Variants in PTPA observed in about 807,000 individuals in gnomAD.
PTPA encodes the protein protein phosphatase 2 phosphatase activator.
A neutral mutation model predicts 43.6 loss-of-function variants in PTPA; 13 were observed. The ratio of observed to expected loss-of-function variants is 0.30; its 90% CI spans 0.19 to 0.47. PTPA has a LOEUF of 0.47. PTPA is among the 20% of genes least tolerant of loss of function. The pLI is 0.99. For missense variants in PTPA, 329 were observed against 411.9 expected (o/e 0.80, Z 1.74); for synonymous variants, 172 against 158.2 (o/e 1.09, Z -0.66).
chr9:129,127,102 C>A (rs1183916573), intron 3 of PTPA, among the ~76,000 whole-genome samples: 1 of 152,198 alleles, frequency 6.6e-6, no homozygotes, highest in Non-Finnish European at 1.5e-5. Context: ...TCTCACATTT[C>A]AGCAAGGCAG....
intron 3 of PTPA, chr9:129,128,162 T>C: frequency 1.3e-6 from 1 of 796,524 alleles, no homozygotes; most frequent in Non-Finnish European, 1.9e-6. Flanking sequence ...AATGGTGTTT[T>C]AGCTGGGGTT....
At position 129,142,623 on chromosome 9, in the gene PTPA, G is replaced by T. The variant is rs1441903141; in HGVS notation, c.894+71G>T. ...GTCCTGGGCTGGGGACAAAGCAAAA[G>T]ATGTGGAACCTGGGGCTCCTGCTTC... On this transcript the variant is annotated intron_variant, in intron 9 of 9. Transcript: ENST00000393370. 1.9e-6 allele frequency: 3 copies of T among 1,593,436 alleles called. No homozygotes were observed. In the Admixed American group the frequency reaches 5.4e-5, roughly 28 times the overall value.
chr9:129,143,416 G>A, intron 9 of PTPA: 1 of 703,016 alleles, frequency 1.4e-6, no homozygotes, highest in East Asian at 2.7e-5. Context: ...ACACTGTACT[G>A]TGGGCACCAT....
rs535229325 is a variant in PTPA at position 129,144,595 on chromosome 9, C to T, written c.894+2043C>T. 2.1e-4 allele frequency among the ~76,000 whole-genome samples: 32 copies of T among 151,298 alleles called. No individual in the cohort carries two copies. In the South Asian group the frequency reaches 3.4e-3, roughly 16 times the overall value. On this transcript the variant is annotated intron_variant, in intron 9 of 9. Coordinates refer to ENST00000393370, the MANE Select transcript of PTPA (RefSeq NM_178000.3). ...CTACTAAAAATATAAAAAAATTAGC[C>T]GGGCGTGGTGGCGGGTGCCTGTAGT... is the stretch of plus-strand genomic sequence containing the variant.
chr9:129,126,178 T>A (rs1849566444), intron 3 of PTPA, among the ~76,000 whole-genome samples: 1 of 151,938 alleles, frequency 6.6e-6, no homozygotes, highest in Admixed American at 6.6e-5. Flanking sequence ...GCTCTTATTT[T>A]TTTATTATTT....
chr9:129,137,764 C>G (rs774505907), intron 8 of PTPA, 72 bp downstream of exon 8: 80 of 1,363,320 alleles, frequency 5.9e-5, no homozygotes, highest in Non-Finnish European at 8.2e-5. Flanking sequence ...GGTGGCCTTA[C>G]AGTGGATCAG....
chr9:129,137,732 C>T lies in PTPA; in HGVS notation c.786+40C>T, dbSNP rs763219015. 6.6e-6 allele frequency: 10 copies of T among 1,511,284 alleles called. No homozygotes were observed. The African/African-American group carries it at 1.4e-4, about 21-fold the overall frequency. 93.6% of individuals were successfully genotyped at this position (1,511,284 alleles called of 1,614,324 possible). On this transcript the variant is annotated intron_variant, in intron 8 of 9. Coordinates refer to ENST00000393370, the MANE Select transcript of PTPA (RefSeq NM_178000.3). ...TGAGAGAGAAGCCCATGGCTGCCTC[C>T]AGGCTCAGATGAACCAAGGCTGGTG...
intron 9 of PTPA, among the ~76,000 whole-genome samples, chr9:129,146,887 A>C (rs768850770): frequency 2.6e-5 from 4 of 151,926 alleles, no homozygotes; most frequent in Non-Finnish European, 2.9e-5. Flanking sequence ...GGGTGGGGGG[A>C]ACTCAGTGTC....
chr9:129,129,122 A>C lies in PTPA; in HGVS notation c.342+12A>C, dbSNP rs755026555. 1.2e-6 allele frequency: 2 copies of C among 1,612,076 alleles called. No homozygotes were observed. Among genetic ancestry groups the C allele is most frequent in the Non-Finnish European group, 1.7e-6 (2 of 1,179,860 alleles). ...CCAAACTTGATGAGGTGAGGCTGCC[A>C]CAGGACAGGCCAGGGACTGGGCTGG... On this transcript the variant is annotated intron_variant, in intron 4 of 9. Coordinates refer to ENST00000393370, the MANE Select transcript of PTPA (RefSeq NM_178000.3).
chr9:129,116,162 C>T (rs541326598), intron 1 of PTPA, among the ~76,000 whole-genome samples: 1 of 151,384 alleles, frequency 6.6e-6, no homozygotes, highest in African/African-American at 2.4e-5. Context: ...GCTGGGATTA[C>T]AGGCACTCGC....
intron 2 of PTPA, among the ~76,000 whole-genome samples, chr9:129,121,615 C>T (rs748781888): frequency 5.9e-5 from 9 of 152,186 alleles, no homozygotes; most frequent in African/African-American, 9.7e-5. Context: ...TGTAGGAGGC[C>T]GTCCTGTGCC....
intron 6 of PTPA, 78 bp downstream of exon 6, chr9:129,134,972 G>A: frequency 8.0e-7 from 1 of 1,247,996 alleles, no homozygotes; most frequent in South Asian, 1.3e-5. Flanking sequence ...GAAATGGGGT[G>A]CTCTAGGGTT....
At chr9:129,116,705 A>G (rs958240357) in intron 1 of PTPA, among the ~76,000 whole-genome samples, 7 of 151,328 alleles carry the variant, frequency 4.6e-5, no homozygotes, top group Admixed American at 1.3e-4. Context: ...AATTTTTGTT[A>G]TTTTTAGTAG....
intron 1 of PTPA, among the ~76,000 whole-genome samples, chr9:129,115,703 G>A (rs1848817969): frequency 2.0e-5 from 3 of 151,626 alleles, no homozygotes; most frequent in Admixed American, 6.6e-5. Context: ...ACAGTGGCGT[G>A]ATCTTGGCTC....
intron 2 of PTPA, among the ~76,000 whole-genome samples, chr9:129,121,475 C>T (rs1255056837): frequency 2.6e-5 from 4 of 152,226 alleles, no homozygotes; most frequent in African/African-American, 7.2e-5. Context: ...GTCCCTTCAG[C>T]CTAGGGGGCA....
intron 9 of PTPA, among the ~76,000 whole-genome samples, chr9:129,144,082 G>A (rs929518836): frequency 7.3e-5 from 11 of 151,504 alleles, no homozygotes; most frequent in African/African-American, 2.7e-4. Context: ...AACTTCTCTC[G>A]ACTCAGGCTC....
intron 1 of PTPA, among the ~76,000 whole-genome samples, chr9:129,118,793 G>A (rs1377226181): frequency 1.3e-5 from 2 of 151,038 alleles, no homozygotes; most frequent in African/African-American, 4.9e-5. Flanking sequence ...GAGATTACAG[G>A]TGTGAGCCAC....
At chr9:129,143,279 A>C (rs1851031319) in intron 9 of PTPA, 3 of 702,252 alleles carry the variant, frequency 4.3e-6, no homozygotes, top group Non-Finnish European at 7.8e-6. Context: ...GGGAAGACTA[A>C]TTCTAGAACT....
chr9:129,114,319 G>A (rs558765454), intron 1 of PTPA, among the ~76,000 whole-genome samples: 159 of 152,338 alleles, frequency 1.0e-3, no homozygotes, highest in African/African-American at 3.7e-3. Context: ...CACCGCGCCC[G>A]GCGAGAAGTT....
Sources: allele counts gnomAD v4.1 joint callset (sites outside exome capture counted in the v4.1 genomes callset), GRCh38; gene constraint gnomAD v4.1.1; transcripts MANE v1.5; gene names NCBI Gene and HGNC (gene_info 2026-07-23, HGNC 2026-07-21).